Variants in RBFOX1 observed in about 807,000 individuals in gnomAD.
RBFOX1 encodes the protein RNA binding fox-1 homolog 1.
A neutral mutation model predicts 57.7 loss-of-function variants in RBFOX1; 8 were observed. The ratio of observed to expected loss-of-function variants is 0.14; its 90% CI spans 0.08 to 0.25. The LOEUF is 0.25. RBFOX1 is among the 10% of genes least tolerant of loss of function. The pLI is 1.00. For missense variants in RBFOX1, 611 were observed against 548.5 expected (o/e 1.11, Z -1.14); for synonymous variants, 326 against 222.4 (o/e 1.47, Z -4.15).
chr16:7,033,216 C>G (rs577286984), intron 3 of RBFOX1, among the ~76,000 whole-genome samples: 115 of 152,108 alleles, frequency 7.6e-4, no homozygotes, highest in Non-Finnish European at 1.4e-3. Flanking sequence ...TGCCTTACCT[C>G]CTCCTTAAAA....
At chr16:6,574,456 T>G (rs1172495426) in intron 2 of RBFOX1, among the ~76,000 whole-genome samples, 2 of 124,618 alleles carry the variant, frequency 1.6e-5, no homozygotes, top group African/African-American at 2.9e-5. Context: ...TGAGACTGAG[T>G]CTTGCTCTGT....
At chr16:5,863,637 C>T (rs1229629187) in intron 3 of RBFOX1, among the ~76,000 whole-genome samples, 2 of 152,274 alleles carry the variant, frequency 1.3e-5, no homozygotes, top group East Asian at 3.9e-4. Flanking sequence ...ACTCTGAATG[C>T]AGCGTAGAGA....
intron 4 of RBFOX1, among the ~76,000 whole-genome samples, chr16:7,490,661 C>T (rs965456665): frequency 2.0e-5 from 3 of 152,210 alleles, no homozygotes; most frequent in Non-Finnish European, 2.9e-5. Flanking sequence ...CAGATTGTAA[C>T]TATGGTCTGT....
chr16:7,534,124 T>C (rs1377863624), intron 5 of RBFOX1, among the ~76,000 whole-genome samples: 1 of 150,790 alleles, frequency 6.6e-6, no homozygotes, highest in Non-Finnish European at 1.5e-5. Context: ...TTCACTCTTG[T>C]TGCCCAGGCT....
At chr16:7,039,878 C>T (rs563170531) in intron 3 of RBFOX1, among the ~76,000 whole-genome samples, 2 of 151,976 alleles carry the variant, frequency 1.3e-5, no homozygotes, top group Non-Finnish European at 2.9e-5. Flanking sequence ...TCTGTTTGTA[C>T]TTTTACTTTC....
chr16:5,694,740 T>C (rs1399503076), intron 3 of RBFOX1, among the ~76,000 whole-genome samples: 1 of 151,754 alleles, frequency 6.6e-6, no homozygotes, highest in Non-Finnish European at 1.5e-5. Context: ...CCAACCCCAC[T>C]ATCATCACAC....
chr16:5,483,673 A>G (rs2069625648), intron 2 of RBFOX1, among the ~76,000 whole-genome samples: 1 of 152,174 alleles, frequency 6.6e-6, no homozygotes, highest in Non-Finnish European at 1.5e-5. Context: ...TCGCCTTCTG[A>G]TCTGCTGATA....
At chr16:5,464,788 A>G (rs555558448) in intron 1 of RBFOX1, among the ~76,000 whole-genome samples, 6 of 152,290 alleles carry the variant, frequency 3.9e-5, no homozygotes, top group South Asian at 4.1e-4. Context: ...AAAGGAGGCA[A>G]TAGAGAAGGA....
chr16:6,897,011 C>A (rs1567769701), intron 3 of RBFOX1, among the ~76,000 whole-genome samples: 1 of 152,174 alleles, frequency 6.6e-6, no homozygotes, highest in Admixed American at 6.5e-5. Context: ...AGGGGACGCA[C>A]CTGTGCAGAG....
At chr16:6,694,358 G>A (rs865925635) in intron 3 of RBFOX1, among the ~76,000 whole-genome samples, 1 of 152,178 alleles carries the variant, frequency 6.6e-6, no homozygotes. Flanking sequence ...GATTAATTAT[G>A]TAGATTATAT....
intron 3 of RBFOX1, among the ~76,000 whole-genome samples, chr16:5,694,105 GC>G (rs1277063165): frequency 1.3e-5 from 2 of 152,186 alleles, no homozygotes; most frequent in Non-Finnish European, 2.9e-5. Context: ...GCTGTGCTTG[GC>G]TCAGAAGTAA....
At chr16:6,816,028 C>T (rs1294484109) in intron 3 of RBFOX1, among the ~76,000 whole-genome samples, 2 of 152,150 alleles carry the variant, frequency 1.3e-5, no homozygotes, top group Admixed American at 6.5e-5. Context: ...TAAAAATAAT[C>T]GGCCAGGAGC....
intron 2 of RBFOX1, among the ~76,000 whole-genome samples, chr16:6,527,232 A>G (rs1182095980): frequency 2.0e-5 from 3 of 152,168 alleles, no homozygotes; most frequent in Non-Finnish European, 4.4e-5. Context: ...CCCTTTCCAG[A>G]AGTAAAGACG....
chr16:6,240,792 A>G (rs1460264913), intron 1 of RBFOX1, among the ~76,000 whole-genome samples: 1 of 152,180 alleles, frequency 6.6e-6, no homozygotes, highest in Non-Finnish European at 1.5e-5. Context: ...CCATTTGGTC[A>G]GTCTCCAACT....
At chr16:5,771,363 C>T (rs1349602900) in intron 3 of RBFOX1, among the ~76,000 whole-genome samples, 1 of 152,144 alleles carries the variant, frequency 6.6e-6, no homozygotes, top group East Asian at 1.9e-4. Context: ...AAACCAGTAG[C>T]CAGTAACTGG....
At chr16:5,334,959 T>G (rs189679517) in intron 1 of RBFOX1, among the ~76,000 whole-genome samples, 1 of 152,074 alleles carries the variant, frequency 6.6e-6, no homozygotes. Flanking sequence ...TAAATCTTCT[T>G]GTAGTATAGA....
In RBFOX1 at chr16:7,094,270, T is replaced by C. The variant is rs1013111252; in HGVS notation, c.27+42172T>C. On this transcript the variant is annotated intron_variant, in intron 4 of 15. Transcript: ENST00000550418. ...AACAAATTGAAAAATTGATATTCAA[T>C]ACCAACAAGATAATTTCGGGAAGCA... 2.6e-5 allele frequency among the ~76,000 whole-genome samples: 4 copies of C among 152,046 alleles called. No individual in the cohort carries two copies. In the East Asian group the frequency reaches 7.7e-4, roughly 29 times the overall value.
chr16:5,348,282 A>G (rs2065188792), intron 1 of RBFOX1, among the ~76,000 whole-genome samples: 1 of 152,178 alleles, frequency 6.6e-6, no homozygotes, highest in African/African-American at 2.4e-5. Flanking sequence ...CCATCCATGC[A>G]TCCAACAAAT....
intron 4 of RBFOX1, among the ~76,000 whole-genome samples, chr16:7,091,642 GTTC>G (rs2060875520): frequency 6.6e-6 from 1 of 152,172 alleles, no homozygotes; most frequent in Non-Finnish European, 1.5e-5. Context: ...GACAGCTCCA[GTTC>G]TCAGCCTGCT....
Sources: allele counts gnomAD v4.1 joint callset (sites outside exome capture counted in the v4.1 genomes callset), GRCh38; gene constraint gnomAD v4.1.1; transcripts MANE v1.5; gene names NCBI Gene and HGNC (gene_info 2026-07-23, HGNC 2026-07-21).